The following CLVS2 variants were observed in gnomAD, a reference collection of about 807,000 sequenced individuals.
CLVS2 encodes the protein clavesin-2.
CLVS2 carries 19 observed loss-of-function variants against 29.0 expected under a neutral mutation model. That is an observed-to-expected ratio of 0.66 (90% CI 0.46 to 0.96). CLVS2 has a LOEUF of 0.96. Among genes scored for constraint, CLVS2 ranks in the 40% least tolerant of loss-of-function variants. The pLI is 0.00. For synonymous variants in CLVS2, 161 were observed against 151.3 expected (o/e 1.06, Z -0.47); for missense variants, 294 against 404.1 (o/e 0.73, Z 2.34).
intron 3 of CLVS2, among the ~76,000 whole-genome samples, chr6:123,023,933 C>A (rs1025877951): frequency 6.6e-6 from 1 of 152,058 alleles, no homozygotes; most frequent in African/African-American, 2.4e-5. Flanking sequence ...TGGCATGGTA[C>A]CCAGTCCTAT....
chr6:123,055,785 C>A, intron 4 of CLVS2, 21 bp from the exon 5 acceptor site: 1 of 1,550,538 alleles, frequency 6.4e-7, no homozygotes, highest in African/African-American at 1.4e-5. Flanking sequence ...TTCCCTTCCT[C>A]CCGTCTTCTT....
Position 123,048,645 on chromosome 6 carries a change from A to C in CLVS2, c.588A>C (p.Gly196=), listed in dbSNP as rs779861147. Residue 196 remains glycine (G), a synonymous_variant, in exon 4 of 6, where the codon GGA becomes GGC. Coordinates refer to ENST00000275162, the MANE Select transcript of CLVS2 (RefSeq NM_001010852.4). Reference sequence around the variant, plus strand: ...AGGATAGTTTCCCAGCGCGATTTGGAGGAATTCATTTTGTCAATCAACCAT... The same window carrying C: ...AGGATAGTTTCCCAGCGCGATTTGGCGGAATTCATTTTGTCAATCAACCAT... ...GLQDSFPARF[G]GIHFVNQPWY... is the part of the protein sequence containing the mutation. 5 of 1,612,816 alleles carry C rather than the reference A, an allele frequency of 3.1e-6. 1 individual carries two copies. The highest frequency in any genetic ancestry group is 4.2e-6 in the Non-Finnish European group (5 of 1,179,124).
At chr6:123,054,441 A>G (rs181141815) in intron 4 of CLVS2, among the ~76,000 whole-genome samples, 52 of 152,220 alleles carry the variant, frequency 3.4e-4, no homozygotes, top group Middle Eastern at 6.8e-3. Flanking sequence ...TGCTCTGCCT[A>G]TTTTGGCCAG....
intron 3 of CLVS2, among the ~76,000 whole-genome samples, chr6:123,039,082 T>G (rs1352846865): frequency 6.6e-6 from 1 of 152,200 alleles, no homozygotes; most frequent in Non-Finnish European, 1.5e-5. Context: ...ATGCCTGATG[T>G]AGGCAGCAGT....
chr6:123,010,872 C>T (rs1019213386), intron 2 of CLVS2, 113 bp from the exon 3 acceptor site: 1 of 628,896 alleles, frequency 1.6e-6, no homozygotes, highest in Non-Finnish European at 2.5e-6. Context: ...AAATTATTTC[C>T]TTAAGATTCT....
chr6:123,048,582 A>G (rs1488919530), intron 3 of CLVS2, 40 bp from the exon 4 acceptor site: 1 of 1,338,822 alleles, frequency 7.5e-7, no homozygotes, highest in Non-Finnish European at 1.1e-6. Context: ...TCAGTCTATT[A>G]AAGCATATTT....
At chr6:123,004,603 T>C in intron 2 of CLVS2, among the ~76,000 whole-genome samples, 1 of 152,144 alleles carries the variant, frequency 6.6e-6, no homozygotes. Context: ...CTGACATATA[T>C]ATTATGCTAC....
intron 3 of CLVS2, among the ~76,000 whole-genome samples, chr6:123,015,500 G>A (rs1056379350): frequency 6.6e-5 from 10 of 152,006 alleles, no homozygotes; most frequent in Non-Finnish European, 1.5e-5. Flanking sequence ...CAAGGCTTGA[G>A]TCCTGGTTGT....
chr6:123,006,121 C>G (rs140584460), intron 2 of CLVS2, among the ~76,000 whole-genome samples: 2 of 152,270 alleles, frequency 1.3e-5, no homozygotes, highest in Non-Finnish European at 2.9e-5. Flanking sequence ...GCTGAGGTCT[C>G]CAGCAGGTCA....
chr6:122,998,241 G>T (rs1325008051), intron 2 of CLVS2, 75 bp downstream of exon 2: 5 of 1,468,708 alleles, frequency 3.4e-6, no homozygotes, highest in South Asian at 1.3e-5. Flanking sequence ...TAGTGTCATG[G>T]TTTTGTAGAT....
In CLVS2 at chr6:123,056,575, C is replaced by T. The variant is rs192705233; in HGVS notation, c.896+549C>T. ...AGGTAACCTCAACTTAGTGTTGTTC[C>T]AAATTCACAGACAGTCTAGCAGGGC... On this transcript the variant is annotated intron_variant, in intron 5 of 5. Coordinates refer to ENST00000275162, the MANE Select transcript of CLVS2 (RefSeq NM_001010852.4). Among the ~76,000 whole-genome samples, 3 of 152,192 alleles carry T rather than the reference C, an allele frequency of 2.0e-5. 1 individual carries two copies. In the East Asian group the frequency reaches 5.8e-4, roughly 29 times the overall value.
At position 122,997,894 on chromosome 6, in the gene CLVS2, C is replaced by T; in HGVS notation, c.117C>T (p.Ile39=). 6.2e-7 allele frequency: 1 copy of T among 1,614,206 alleles called. No homozygotes were observed. The highest frequency in any genetic ancestry group is 1.1e-5 in the South Asian group (1 of 91,076). ...QDIQEVRDMV[I]TRPDIGFLRT... is the part of the protein sequence containing the mutation. ...TCCAGGAGGTGAGGGATATGGTCAT[C>T]ACCAGGCCGGACATTGGCTTTCTGC... Residue 39 remains isoleucine, a synonymous_variant, in exon 2 of 6, where the codon ATC becomes ATT. Transcript: ENST00000275162.
chr6:123,042,255 C>T (rs1775243959), intron 3 of CLVS2, among the ~76,000 whole-genome samples: 2 of 152,162 alleles, frequency 1.3e-5, no homozygotes, highest in Admixed American at 1.3e-4. Context: ...ATTTTTCAAG[C>T]CATTCAATTA....
intron 3 of CLVS2, among the ~76,000 whole-genome samples, chr6:123,027,475 C>T (rs1049393904): frequency 1.3e-5 from 2 of 152,160 alleles, no homozygotes; most frequent in African/African-American, 4.8e-5. Flanking sequence ...TCACATTTTT[C>T]TTCCATCCTC....
intron 3 of CLVS2, among the ~76,000 whole-genome samples, chr6:123,038,054 T>C (rs563039305): frequency 8.5e-5 from 13 of 152,250 alleles, no homozygotes; most frequent in Non-Finnish European, 1.5e-4. Flanking sequence ...TACCTTCAAC[T>C]CCAGACAAAC....
At chr6:123,016,685 T>C (rs866897466) in intron 3 of CLVS2, among the ~76,000 whole-genome samples, 2 of 152,076 alleles carry the variant, frequency 1.3e-5, no homozygotes, top group Admixed American at 6.6e-5. Context: ...CTCAGATGTA[T>C]GGCCATCACA....
At chr6:123,027,696 G>A (rs1775024282) in intron 3 of CLVS2, among the ~76,000 whole-genome samples, 1 of 152,120 alleles carries the variant, frequency 6.6e-6, no homozygotes, top group Admixed American at 6.6e-5. Context: ...GCAATACTAT[G>A]TGTACCTGGA....
chr6:123,071,512 T>C lies in CLVS2; in HGVS notation c.*7751T>C, dbSNP rs1336056381. 3 of 152,014 alleles carry C rather than the reference T, an allele frequency of 2.0e-5. No homozygotes were observed. Among genetic ancestry groups the C allele is most frequent in the African/African-American group, 7.2e-5 (3 of 41,448 alleles). 9.4% of individuals were successfully genotyped at this position (152,014 alleles called of 1,614,324 possible). A position where few individuals can be genotyped will look rare whatever the true frequency, so the allele number is the denominator to read the frequency against. ...AAGATAGCTCAGGGGAAAAGTCATT[T>C]TGAGATTAAAACTACATGGAATTGT... On this transcript the variant is annotated 3_prime_UTR_variant, in exon 6 of 6. Coordinates refer to ENST00000275162, the MANE Select transcript of CLVS2 (RefSeq NM_001010852.4).
intron 2 of CLVS2, among the ~76,000 whole-genome samples, chr6:122,999,024 C>A (rs546182686): frequency 1.3e-5 from 2 of 152,182 alleles, no homozygotes; most frequent in Admixed American, 6.5e-5. Flanking sequence ...TTTTCTCAGA[C>A]TGAAAGATAT....
Sources: gnomAD v4.1 joint callset for allele counts (sites outside exome capture counted in the v4.1 genomes callset) on GRCh38, gnomAD v4.1.1 for gene constraint, MANE v1.5 for transcripts, NCBI Gene and HGNC (gene_info 2026-07-23, HGNC 2026-07-21) for gene names.